Variants in WDFY3 observed in about 807,000 individuals in gnomAD.
The protein encoded by WDFY3 is WD repeat and FYVE domain containing 3.
In WDFY3, 66 loss-of-function variants were observed where a neutral mutation model predicts 409.6. The observed-to-expected ratio is 0.16, with a 90% CI of 0.13 to 0.20. The LOEUF (loss-of-function observed/expected upper bound fraction) is 0.20. Ranked by LOEUF, WDFY3 falls within the 10% of genes least tolerant of loss-of-function variation. WDFY3 has a pLI of 1.00. For synonymous variants in WDFY3, 1,521 were observed against 1,537.1 expected (o/e 0.99, Z 0.25); for missense variants, 3,031 against 4,298.1 (o/e 0.71, Z 8.24).
intron 5 of WDFY3, 82 bp downstream of exon 5, chr4:84,849,820 T>C (rs1222280768): frequency 1.3e-6 from 2 of 1,563,368 alleles, no homozygotes; most frequent in African/African-American, 1.4e-5. Flanking sequence ...AAGGTCTGTT[T>C]TCCATTTAAT....
intron 2 of WDFY3, among the ~76,000 whole-genome samples, chr4:84,905,539 C>T (rs1225984056): frequency 6.6e-6 from 1 of 152,176 alleles, no homozygotes; most frequent in Non-Finnish European, 1.5e-5. Flanking sequence ...TCTCCCAACA[C>T]TTTAGATCCG....
chr4:84,802,927 G>A (rs1750870088), intron 16 of WDFY3, among the ~76,000 whole-genome samples: 1 of 152,126 alleles, frequency 6.6e-6, no homozygotes, highest in African/African-American at 2.4e-5. Flanking sequence ...AAACTCTTGA[G>A]TGCAACAAGT....
chr4:84,856,992 T>C (rs570513172), intron 4 of WDFY3, among the ~76,000 whole-genome samples: 1 of 152,344 alleles, frequency 6.6e-6, no homozygotes, highest in East Asian at 1.9e-4. Flanking sequence ...AATTTTAGTT[T>C]ATTAATTATA....
chr4:84,799,036 T>C (rs1048342662), intron 17 of WDFY3, among the ~76,000 whole-genome samples: 3 of 152,222 alleles, frequency 2.0e-5, no homozygotes, highest in African/African-American at 7.2e-5. Flanking sequence ...TGCCTAAGAA[T>C]GCTGTACTCC....
At position 84,778,556 on chromosome 4, in the gene WDFY3, T is replaced by A; in HGVS notation, c.4465A>T (p.Thr1489Ser). Residue 1489 changes from threonine to serine, a missense_variant, in exon 27 of 68, where the codon ACC (threonine) becomes TCC (serine). Thr to Ser is a moderately conservative substitution (Grantham distance 58, BLOSUM62 1). This residue lies in a region of WDFY3 where 55 missense variants were observed against 124.1 expected (regional missense o/e 0.44). Transcript: ENST00000295888. ...GCAGTTGAATTTGGAATAATGGAGG[T>A]CTCATGTCCACTATCAACAGTTCCC... ...LVGTVDSGHE[T>S]SIIPNSTAFQ... is the part of the protein sequence containing the mutation. 6.2e-7 allele frequency: 1 copy of A among 1,609,626 alleles called. No homozygotes were observed. The highest frequency in any genetic ancestry group is 1.7e-5 in the Admixed American group (1 of 58,844).
intron 19 of WDFY3, among the ~76,000 whole-genome samples, chr4:84,796,033 A>G (rs1749378088): frequency 6.6e-6 from 1 of 151,910 alleles, no homozygotes; most frequent in South Asian, 2.1e-4. Context: ...TTTTCAATCT[A>G]ATTTTAATTT....
chr4:84,964,985 AT>A (rs974716110), intron 1 of WDFY3, among the ~76,000 whole-genome samples: 1 of 152,242 alleles, frequency 6.6e-6, no homozygotes, highest in Non-Finnish European at 1.5e-5. Flanking sequence ...TGCAATATAT[AT>A]TTTTAAACAT....
chr4:84,845,358 T>C (rs1403379140), intron 5 of WDFY3, among the ~76,000 whole-genome samples: 2 of 152,178 alleles, frequency 1.3e-5, no homozygotes, highest in Non-Finnish European at 2.9e-5. Flanking sequence ...TTATATGAGC[T>C]ATCTAAAGTA....
At chr4:84,737,142 C>T (rs751601952) in intron 41 of WDFY3, 42 bp downstream of exon 41, 1 of 1,609,546 alleles carries the variant, frequency 6.2e-7, no homozygotes, top group Admixed American at 1.7e-5. Flanking sequence ...ATATGATAGC[C>T]ACATGTAAAT....
intron 18 of WDFY3, 71 bp from the exon 19 acceptor site, chr4:84,796,823 T>G: frequency 7.8e-7 from 1 of 1,282,630 alleles, no homozygotes; most frequent in South Asian, 1.3e-5. Flanking sequence ...GGCTGATTTA[T>G]TTGTAAATAC....
chr4:84,794,841 G>A, intron 20 of WDFY3, 38 bp downstream of exon 20: 2 of 1,535,724 alleles, frequency 1.3e-6, no homozygotes, highest in East Asian at 2.3e-5. Context: ...TAATCTACTA[G>A]AAAAAAAACT....
intron 63 of WDFY3, chr4:84,682,776 G>A (rs1015278701): frequency 3.5e-6 from 1 of 282,350 alleles, no homozygotes; most frequent in African/African-American, 2.2e-5. Context: ...GAGGTCAGGA[G>A]TTTGAGACCA....
intron 3 of WDFY3, among the ~76,000 whole-genome samples, chr4:84,892,965 G>A (rs918164412): frequency 6.6e-6 from 1 of 152,146 alleles, no homozygotes; most frequent in African/African-American, 2.4e-5. Context: ...GAATTTCTAG[G>A]GGAATAAAAT....
At position 84,817,446 on chromosome 4, in the gene WDFY3, C is replaced by A; in HGVS notation, c.1833G>T (p.Gly611=). The part of the protein sequence containing the change: ...NGDDDMGTLL[G]LMHSAPPTEL... ...CCGTCGGTGGGGCTGAATGCATTAGCCCCAGGAGAGTGCCCATGTCATCGT... is the reference window on the plus strand; with the variant it reads ...CCGTCGGTGGGGCTGAATGCATTAGACCCAGGAGAGTGCCCATGTCATCGT... Residue 611 remains glycine (G), a synonymous_variant, in exon 13 of 68, where the codon GGG becomes GGT. Coordinates refer to ENST00000295888, the MANE Select transcript of WDFY3 (RefSeq NM_014991.6). The A allele has an allele frequency of 6.2e-7, 1 of 1,613,756 alleles. No homozygotes were observed. The highest frequency in any genetic ancestry group is 8.5e-7 in the Non-Finnish European group (1 of 1,179,766).
At chr4:84,699,623 C>A (rs907203253) in intron 56 of WDFY3, among the ~76,000 whole-genome samples, 2 of 152,112 alleles carry the variant, frequency 1.3e-5, no homozygotes, top group Non-Finnish European at 2.9e-5. Context: ...TGAGGAACTG[C>A]CAAACTACTT....
In WDFY3 at chr4:84,669,837, G is replaced by A. The variant is rs538292703; in HGVS notation, c.*3031C>T. ...TACTTCTGTTGCTGTACAAATAATT[G>A]GCCATTACTAGGGCTTACAAGTTAA... On this transcript the variant is annotated 3_prime_UTR_variant, in exon 68 of 68. Coordinates refer to ENST00000295888, the MANE Select transcript of WDFY3 (RefSeq NM_014991.6). 2 of 151,548 alleles carry A rather than the reference G, an allele frequency of 1.3e-5. No homozygotes were observed. The highest frequency in any genetic ancestry group is 6.6e-5 in the Admixed American group (1 of 15,110). The allele number at this position is 151,548 out of a possible 1,614,324, so 9.4% of individuals were successfully genotyped here.
intron 36 of WDFY3, among the ~76,000 whole-genome samples, chr4:84,744,608 C>G (rs532967516): frequency 6.6e-6 from 1 of 151,936 alleles, no homozygotes; most frequent in East Asian, 1.9e-4. Context: ...AATCCCAGCA[C>G]TTTGGGAGGC....
chr4:84,959,421 A>T (rs192965315), intron 1 of WDFY3, among the ~76,000 whole-genome samples: 2 of 152,336 alleles, frequency 1.3e-5, no homozygotes, highest in Admixed American at 6.5e-5. Context: ...GCAGTTAAGT[A>T]GAATATTTAA....
chr4:84,917,301 G>A (rs1041120680), intron 2 of WDFY3, among the ~76,000 whole-genome samples: 1 of 152,164 alleles, frequency 6.6e-6, no homozygotes, highest in African/African-American at 2.4e-5. Context: ...GAGCCTCGGA[G>A]GCCAGTTGGC....
Sources: allele counts gnomAD v4.1 joint callset (sites outside exome capture counted in the v4.1 genomes callset), GRCh38; gene constraint gnomAD v4.1.1; regional missense constraint gnomAD v4.1.1; transcripts MANE v1.5; gene names NCBI Gene and HGNC (gene_info 2026-07-23, HGNC 2026-07-21).